Variants in LTBP1 observed in about 807,000 individuals in gnomAD.
LTBP1 encodes latent transforming growth factor beta binding protein 1.
LTBP1 carries 129 observed loss-of-function variants against 207.6 expected under a neutral mutation model. The ratio of observed to expected loss-of-function variants is 0.62; its 90% CI spans 0.54 to 0.72. LTBP1 has a LOEUF of 0.72. Among genes scored for constraint, LTBP1 ranks in the 30% least tolerant of loss-of-function variants. The pLI is 0.00. For missense variants in LTBP1, 2,281 were observed against 2,217.2 expected (o/e 1.03, Z -0.58); for synonymous variants, 963 against 833.7 (o/e 1.16, Z -2.67).
chr2:33,394,500 C>G (rs2095342530), intron 32 of LTBP1, among the ~76,000 whole-genome samples: 1 of 152,188 alleles, frequency 6.6e-6, no homozygotes, highest in Non-Finnish European at 1.5e-5. Flanking sequence ...GATCCAGTTT[C>G]AGCTTTCTAC....
intron 2 of LTBP1, among the ~76,000 whole-genome samples, chr2:32,957,955 G>A (rs1007879756): frequency 7.9e-5 from 12 of 152,054 alleles, no homozygotes; most frequent in Non-Finnish European, 1.8e-4. Context: ...GTGGTTATAA[G>A]AAGGAAGTGC....
At chr2:33,169,270 G>C (rs2085212531) in intron 5 of LTBP1, among the ~76,000 whole-genome samples, 1 of 151,976 alleles carries the variant, frequency 6.6e-6, no homozygotes, top group Admixed American at 6.6e-5. Flanking sequence ...TTCTTCCTCT[G>C]TTCTTCCATT....
intron 5 of LTBP1, among the ~76,000 whole-genome samples, chr2:33,182,746 A>C: frequency 7.1e-6 from 1 of 139,884 alleles, no homozygotes; most frequent in East Asian, 2.0e-4. Context: ...AGACATATAT[A>C]TGTATGTATG....
At chr2:33,209,899 A>G (rs1435358633) in intron 7 of LTBP1, among the ~76,000 whole-genome samples, 3 of 152,244 alleles carry the variant, frequency 2.0e-5, no homozygotes, top group Non-Finnish European at 2.9e-5. Flanking sequence ...AGCTCCATGA[A>G]AAACGGATGT....
intron 26 of LTBP1, among the ~76,000 whole-genome samples, chr2:33,351,471 A>AG (rs1244639620): frequency 6.6e-6 from 1 of 152,220 alleles, no homozygotes; most frequent in African/African-American, 2.4e-5. Flanking sequence ...TAATCATAGA[A>AG]AATTGGCAAA....
intron 24 of LTBP1, among the ~76,000 whole-genome samples, chr2:33,326,640 A>AATTTATTAATTTATTT (rs1553502917): frequency 6.9e-6 from 1 of 144,590 alleles, no homozygotes; most frequent in Non-Finnish European, 1.5e-5. Context: ...TGAGGGATAT[A>AATTTATTAATTTATTT]ATTTATTTAT....
At chr2:33,030,048 T>G (rs1382059129) in intron 3 of LTBP1, among the ~76,000 whole-genome samples, 1 of 152,180 alleles carries the variant, frequency 6.6e-6, no homozygotes, top group Non-Finnish European at 1.5e-5. Flanking sequence ...TCCGAGAGTT[T>G]CAGTGCTTTC....
At chr2:33,299,253 A>AG (rs903878515) in intron 20 of LTBP1, among the ~76,000 whole-genome samples, 8 of 152,102 alleles carry the variant, frequency 5.3e-5, no homozygotes, top group African/African-American at 1.7e-4. Context: ...AAAAAAAAAA[A>AG]AAAGAAGTTT....
chr2:33,325,797 C>T (rs1321213042), intron 24 of LTBP1, among the ~76,000 whole-genome samples: 1 of 152,110 alleles, frequency 6.6e-6, no homozygotes, highest in Non-Finnish European at 1.5e-5. Flanking sequence ...ACTTTTTTGA[C>T]ATTGTTCCTT....
intron 4 of LTBP1, among the ~76,000 whole-genome samples, chr2:33,118,213 A>C: frequency 6.6e-6 from 1 of 151,202 alleles, no homozygotes; most frequent in Non-Finnish European, 1.5e-5. Context: ...ACAAAAAAAA[A>C]ACAACAAAAA....
chr2:33,281,461 A>T (rs2093557754), intron 19 of LTBP1, among the ~76,000 whole-genome samples: 1 of 152,216 alleles, frequency 6.6e-6, no homozygotes, highest in African/African-American at 2.4e-5. Flanking sequence ...GATTTGCTGC[A>T]AGATGAGAGG....
chr2:33,184,046 G>C (rs1282866680), intron 5 of LTBP1, among the ~76,000 whole-genome samples: 1 of 152,056 alleles, frequency 6.6e-6, no homozygotes, highest in African/African-American at 2.4e-5. Flanking sequence ...AAGTTCCACT[G>C]ATTTTCCCTC....
At chr2:33,145,835 A>C (rs1026836117) in intron 5 of LTBP1, among the ~76,000 whole-genome samples, 3 of 152,242 alleles carry the variant, frequency 2.0e-5, no homozygotes, top group Admixed American at 2.0e-4. Context: ...TCCAAAAAGA[A>C]GCTAAAGTCT....
chr2:33,065,749 T>C (rs1019257879), intron 3 of LTBP1, among the ~76,000 whole-genome samples: 1 of 152,238 alleles, frequency 6.6e-6, no homozygotes, highest in Non-Finnish European at 1.5e-5. Context: ...TCTTCCTGTA[T>C]ACTTTGAAGA....
intron 2 of LTBP1, among the ~76,000 whole-genome samples, chr2:32,988,344 C>T (rs1237178019): frequency 1.3e-5 from 2 of 152,192 alleles, no homozygotes; most frequent in Non-Finnish European, 2.9e-5. Context: ...GCACCTGCTA[C>T]AGTTTTCTGG....
At chr2:33,118,109 C>T (rs1028347060) in intron 4 of LTBP1, among the ~76,000 whole-genome samples, 87 of 151,470 alleles carry the variant, frequency 5.7e-4, no homozygotes, top group African/African-American at 2.0e-3. Flanking sequence ...CCAAGTGGGT[C>T]CATGGGAGAG....
intron 19 of LTBP1, among the ~76,000 whole-genome samples, chr2:33,292,780 T>C (rs2093799682): frequency 6.6e-6 from 1 of 152,226 alleles, no homozygotes; most frequent in African/African-American, 2.4e-5. Flanking sequence ...TCTCCCATCC[T>C]ATTGAATTCA....
At chr2:33,041,672 T>G (rs1365674299) in intron 3 of LTBP1, among the ~76,000 whole-genome samples, 1 of 152,202 alleles carries the variant, frequency 6.6e-6, no homozygotes, top group Non-Finnish European at 1.5e-5. Context: ...CTGCAAACTC[T>G]TAATGAACAC....
At chr2:33,087,057 G>A (rs1479098136) in intron 3 of LTBP1, among the ~76,000 whole-genome samples, 2 of 141,240 alleles carry the variant, frequency 1.4e-5, no homozygotes, top group African/African-American at 5.2e-5. Flanking sequence ...TCTGGACACA[G>A]AAGCACCAGG....
Sources: gnomAD v4.1 joint callset for allele counts (sites outside exome capture counted in the v4.1 genomes callset) on GRCh38, gnomAD v4.1.1 for gene constraint, MANE v1.5 for transcripts, NCBI Gene and HGNC (gene_info 2026-07-23, HGNC 2026-07-21) for gene names.